TSPAN8: variants seen among roughly 807,000 people sequenced by gnomAD.
The protein encoded by TSPAN8 is tetraspanin-8.
In TSPAN8, 21 loss-of-function variants were observed where a neutral mutation model predicts 32.8. That is an observed-to-expected ratio of 0.64 (90% confidence interval 0.45 to 0.92). TSPAN8 has a LOEUF of 0.92. Among genes scored for constraint, TSPAN8 ranks in the 40% least tolerant of loss-of-function variants. TSPAN8 has a pLI of 0.00. For synonymous variants in TSPAN8, 95 were observed against 94.6 expected (o/e 1.00, Z -0.03); for missense variants, 269 against 281.9 (o/e 0.95, Z 0.33).
chr12:71,146,325 T>C (rs1405712596), intron 2 of TSPAN8, among the ~76,000 whole-genome samples: 3 of 152,192 alleles, frequency 2.0e-5, no homozygotes, highest in East Asian at 3.8e-4. Flanking sequence ...GAAATTCCCA[T>C]GTAAATATCA....
chr12:71,129,446 T>A (rs764614275), intron 7 of TSPAN8, 32 bp from the exon 8 acceptor site: 6 of 1,536,328 alleles, frequency 3.9e-6, no homozygotes, highest in Admixed American at 2.3e-5. Flanking sequence ...AAAAGTTACC[T>A]CTCAGAAAAA....
intron 7 of TSPAN8, among the ~76,000 whole-genome samples, chr12:71,129,961 T>G (rs185982341): frequency 3.6e-4 from 54 of 151,040 alleles, no homozygotes; most frequent in African/African-American, 1.3e-3. Flanking sequence ...CTTTTTTTTT[T>G]TTTTTCTTTG....
intron 7 of TSPAN8, 93 bp from the exon 8 acceptor site, chr12:71,129,507 T>C (rs1871452769): frequency 7.8e-7 from 1 of 1,285,604 alleles, no homozygotes; most frequent in African/African-American, 1.5e-5. Context: ...ACTTTTTACA[T>C]TGCTATCAAG....
intron 3 of TSPAN8, among the ~76,000 whole-genome samples, chr12:71,143,804 A>G (rs554882096): frequency 6.6e-6 from 1 of 152,304 alleles, no homozygotes; most frequent in East Asian, 1.9e-4. Flanking sequence ...CTTGGTGAGA[A>G]GGAGAGGTGG....
At chr12:71,145,802 C>A (rs1592407931) in intron 2 of TSPAN8, among the ~76,000 whole-genome samples, 3 of 152,070 alleles carry the variant, frequency 2.0e-5, no homozygotes, top group Admixed American at 1.3e-4. Context: ...TTTTCACAAG[C>A]AGATTCATAA....
Position 71,151,157 on chromosome 12 carries a change from G to A in TSPAN8, c.60+6462C>T, listed in dbSNP as rs559878276. ...TGGCTCACTACAAGCTCCGCCTCCC[G>A]GGTTCATGCCATTCTCCTGCCTCAG... On this transcript the variant is annotated intron_variant, in intron 2 of 8. Transcript: ENST00000247829. Among the ~76,000 whole-genome samples, 10 of 151,124 alleles carry A rather than the reference G, an allele frequency of 6.6e-5. No individual in the cohort carries two copies. In the East Asian group the frequency reaches 9.8e-4, roughly 15 times the overall value.
chr12:71,125,252 A>G lies in TSPAN8; in HGVS notation c.*82T>C. 1 of 1,208,880 alleles carries G rather than the reference A, an allele frequency of 8.3e-7. No homozygotes were observed. The highest frequency in any genetic ancestry group is 2.3e-5 in the East Asian group (1 of 42,888). 74.9% of individuals were successfully genotyped at this position (1,208,880 alleles called of 1,614,324 possible). A position where few individuals can be genotyped will look rare whatever the true frequency, so the allele number is the denominator to read the frequency against. On this transcript the variant is annotated 3_prime_UTR_variant, in exon 9 of 9. Transcript: ENST00000247829. ...AAAGACAGCTGCTCCTGACTTATAT[A>G]GCACTTACATATTTAAATTTACAAA... is the stretch of plus-strand genomic sequence containing the variant.
At chr12:71,157,434 G>T in intron 2 of TSPAN8, 185 bp downstream of exon 2, 1 of 521,444 alleles carries the variant, frequency 1.9e-6, no homozygotes, top group Non-Finnish European at 3.4e-6. Context: ...ACTTTTTTGA[G>T]TCCTTGGCTC....
chr12:71,134,126 G>C (rs1265033822), intron 6 of TSPAN8, among the ~76,000 whole-genome samples: 1 of 152,130 alleles, frequency 6.6e-6, no homozygotes, highest in African/African-American at 2.4e-5. Flanking sequence ...AGTAACAGTT[G>C]CTAATAATAG....
At chr12:71,126,412 A>C (rs1335120011) in intron 8 of TSPAN8, among the ~76,000 whole-genome samples, 2 of 152,132 alleles carry the variant, frequency 1.3e-5, no homozygotes, top group African/African-American at 2.4e-5. Context: ...TCAAGAAAGA[A>C]TTTTTTTAAT....
At position 71,139,706 on chromosome 12, in the gene TSPAN8, C is replaced by T; in HGVS notation, c.261+5G>A. On this transcript the variant is annotated splice_donor_5th_base_variant and intron_variant, in intron 4 of 8. Transcript: ENST00000247829. ...TGGACACTGGGATTTGTTTGGAGAA[C>T]TCACCAACAGAAGCATGCAGCGACT... 1 of 1,612,878 alleles carries T rather than the reference C, an allele frequency of 6.2e-7. No individual in the cohort carries two copies. Among genetic ancestry groups the T allele is most frequent in the Non-Finnish European group, 8.5e-7 (1 of 1,179,274 alleles).
chr12:71,135,325 GAGGAGA>G lies in TSPAN8; in HGVS notation c.445-2507_445-2502del. ...GGGGAGGGGGAGGTGGCACAGGGAA[GAGGAGA>G]AGGAGGAGGAGGAAGAAGGAGGAGA... On this transcript the variant is annotated intron_variant, in intron 6 of 8. Transcript: ENST00000247829. 1.4e-5 allele frequency among the ~76,000 whole-genome samples: 2 copies of G among 144,406 alleles called. 1 individual carries two copies. Among genetic ancestry groups the G allele is most frequent in the Non-Finnish European group, 3.0e-5 (2 of 65,802 alleles). 94.7% of individuals were successfully genotyped at this position (144,406 alleles called of 152,430 possible).
chr12:71,156,822 A>G (rs902024916), intron 2 of TSPAN8: 1 of 152,224 alleles, frequency 6.6e-6, no homozygotes, highest in African/African-American at 2.4e-5. Context: ...ATTGACATTT[A>G]AACAATCTTT....
chr12:71,137,159 G>T (rs919116219), intron 6 of TSPAN8, among the ~76,000 whole-genome samples: 4 of 152,034 alleles, frequency 2.6e-5, no homozygotes, highest in African/African-American at 9.7e-5. Context: ...GTGTGCTTGT[G>T]GTCCTAACTA....
intron 5 of TSPAN8, 47 bp from the exon 6 acceptor site, chr12:71,138,107 T>TACTACC (rs1364226894): frequency 1.2e-6 from 2 of 1,611,376 alleles, no homozygotes; most frequent in Admixed American, 3.4e-5. Context: ...CAAGGTAGTA[T>TACTACC]TTCAATTTTT....
chr12:71,133,146 C>T (rs867798651), intron 6 of TSPAN8, among the ~76,000 whole-genome samples: 22 of 152,146 alleles, frequency 1.4e-4, no homozygotes, highest in Non-Finnish European at 2.2e-4. Context: ...TGCAGTGACG[C>T]GATCTCGGCT....
Position 71,138,191 on chromosome 12 carries a change from C to T in TSPAN8, c.301G>A (p.Ala101Thr), listed in dbSNP as rs140330026. The T allele has an allele frequency of 6.2e-6, 10 of 1,613,974 alleles. No homozygotes were observed. In the African/African-American group the frequency reaches 1.1e-4, roughly 17 times the overall value. Residue 101 changes from alanine to threonine, a missense_variant, in exon 5 of 9, where the codon GCG becomes ACG. Ala to Thr is a moderately conservative substitution (Grantham distance 58, BLOSUM62 0). Transcript: ENST00000247829. ...GLLLILLLQVATGILGAVFKS... is the reference protein window; with the variant it reads ...GLLLILLLQVTTGILGAVFKS... ...AAAACAGCTCCTAGGATACCTGTCGCCACCTGCAGGAGCAGGATCAGAAGC... is the reference window on the plus strand; with the variant it reads ...AAAACAGCTCCTAGGATACCTGTCGTCACCTGCAGGAGCAGGATCAGAAGC...
At chr12:71,142,547 C>T (rs1871933845) in intron 3 of TSPAN8, among the ~76,000 whole-genome samples, 1 of 152,188 alleles carries the variant, frequency 6.6e-6, no homozygotes, top group Non-Finnish European at 1.5e-5. Context: ...AGTCAGACTT[C>T]AGATTCTACA....
intron 2 of TSPAN8, among the ~76,000 whole-genome samples, chr12:71,150,302 C>T (rs931020726): frequency 1.3e-5 from 2 of 152,154 alleles, no homozygotes; most frequent in Admixed American, 6.6e-5. Context: ...TTGCCCTTTG[C>T]CTTGTGATCT....
Sources: gnomAD v4.1 joint callset for allele counts (sites outside exome capture counted in the v4.1 genomes callset) on GRCh38, gnomAD v4.1.1 for gene constraint, MANE v1.5 for transcripts, NCBI Gene and HGNC (gene_info 2026-07-23, HGNC 2026-07-21) for gene names.